PSD3: variants seen among roughly 807,000 people sequenced by gnomAD.
PSD3 encodes the protein pleckstrin and Sec7 domain containing 3.
In PSD3, 49 loss-of-function variants were observed where a neutral mutation model predicts 105.5. The observed-to-expected ratio is 0.46, with a 90% CI of 0.37 to 0.59. The LOEUF is 0.59. PSD3 is among the 20% of genes least tolerant of loss of function. The pLI is 0.00. For missense variants in PSD3, 1,561 were observed against 1,263.8 expected, an observed-to-expected ratio of 1.24 and a Z score of -3.57; for synonymous variants, 557 against 457.8, an observed-to-expected ratio of 1.22 and a Z score of -2.77.
At position 18,804,855 on chromosome 8, in the gene PSD3, T is replaced by A; in HGVS notation, c.1678A>T (p.Met560Leu). The part of the protein sequence containing the change: ...KTTRLEAHSE[M>L]GSTEILEKET... ...TTTTCCAAAATTTCAGTGCTCCCCA[T>A]TTCAGAATGAGCTTCTAGCCGTGTT... The change falls in exon 5 of 16, where the codon ATG (methionine) becomes TTG (leucine). Residue 560 changes from methionine to leucine, a missense_variant. By Grantham distance (15) the Met-to-Leu change is conservative (BLOSUM62 2). Transcript: ENST00000327040. The A allele has an allele frequency of 6.2e-7, 1 of 1,613,152 alleles. No individual in the cohort carries two copies. The highest frequency in any genetic ancestry group is 2.2e-5 in the East Asian group (1 of 44,888).
At chr8:18,783,458 C>A (rs1261208636) in intron 8 of PSD3, among the ~76,000 whole-genome samples, 1 of 152,076 alleles carries the variant, frequency 6.6e-6, no homozygotes, top group South Asian at 2.1e-4. Context: ...CTGTTTAATT[C>A]ATCTTTGCTC....
At chr8:18,966,844 T>G (rs1314817131) in intron 1 of PSD3, among the ~76,000 whole-genome samples, 1 of 152,162 alleles carries the variant, frequency 6.6e-6, no homozygotes, top group Non-Finnish European at 1.5e-5. Flanking sequence ...GGCATAAAAT[T>G]TTCAAATTAG....
At chr8:18,627,137 A>T (rs562172925) in intron 11 of PSD3, among the ~76,000 whole-genome samples, 1 of 152,222 alleles carries the variant, frequency 6.6e-6, no homozygotes, top group Admixed American at 6.6e-5. Context: ...TTCTGAAGAG[A>T]AAGAAACAAA....
intron 11 of PSD3, among the ~76,000 whole-genome samples, chr8:18,618,630 C>G (rs1805875301): frequency 2.1e-5 from 3 of 140,850 alleles, no homozygotes; most frequent in Non-Finnish European, 5.0e-5. Flanking sequence ...GTACTACACA[C>G]CATAACAGGT....
Position 18,858,645 on chromosome 8 carries a change from C to A in PSD3, c.1634+9029G>T, listed in dbSNP as rs116532010. Among the ~76,000 whole-genome samples the A allele has an allele frequency of 3.1e-3, 479 of 152,238 alleles. 4 individuals are homozygous for A. Among genetic ancestry groups the A allele is most frequent in the African/African-American group, 0.011 (470 of 41,552 alleles). ...AATATTCCAAATCCTTTGTAGTCAT[C>A]TCAATGAGGTTCACAGCATTTTCAT... On this transcript the variant is annotated intron_variant, in intron 4 of 15. Transcript: ENST00000327040.
At chr8:18,540,757 A>G (rs1341279530) in intron 15 of PSD3, among the ~76,000 whole-genome samples, 3 of 152,126 alleles carry the variant, frequency 2.0e-5, no homozygotes, top group Non-Finnish European at 2.9e-5. Context: ...AGAGTGTGTC[A>G]GCTCTGCCCA....
chr8:19,054,530 A>G (rs1413451848), intron 1 of PSD3, among the ~76,000 whole-genome samples: 1 of 152,182 alleles, frequency 6.6e-6, no homozygotes, highest in Non-Finnish European at 1.5e-5. Context: ...CATGGATTCA[A>G]CTTATTTACT....
intron 4 of PSD3, among the ~76,000 whole-genome samples, chr8:18,846,046 T>C (rs1267011995): frequency 6.6e-6 from 1 of 152,184 alleles, no homozygotes. Flanking sequence ...AGAGATGGGA[T>C]GTATATTAAA....
intron 1 of PSD3, among the ~76,000 whole-genome samples, chr8:19,065,153 T>C (rs1456449349): frequency 6.6e-6 from 1 of 152,206 alleles, no homozygotes; most frequent in African/African-American, 2.4e-5. Context: ...CTGCTTTTTG[T>C]TCCTTGTGTC....
chr8:18,843,299 T>G (rs557841990), intron 4 of PSD3, among the ~76,000 whole-genome samples: 9 of 148,152 alleles, frequency 6.1e-5, no homozygotes, highest in African/African-American at 2.2e-4. Flanking sequence ...AGGCGGAGCT[T>G]GCAGTGAGCC....
At chr8:18,887,881 T>C (rs1818539942) in intron 2 of PSD3, among the ~76,000 whole-genome samples, 1 of 152,128 alleles carries the variant, frequency 6.6e-6, no homozygotes, top group East Asian at 1.9e-4. Context: ...TACTAAGCAG[T>C]TTTATTGTAT....
intron 2 of PSD3, among the ~76,000 whole-genome samples, chr8:18,930,908 C>T (rs1821710575): frequency 6.6e-6 from 1 of 152,148 alleles, no homozygotes; most frequent in East Asian, 1.9e-4. Context: ...ACATTCCTGC[C>T]ACCAGTGTGT....
intron 1 of PSD3, among the ~76,000 whole-genome samples, 154 bp from the exon 2 acceptor site, chr8:18,936,296 A>G (rs780939588): frequency 3.3e-5 from 5 of 152,248 alleles, no homozygotes; most frequent in Non-Finnish European, 7.3e-5. Flanking sequence ...AAAGTGTAAC[A>G]TGAAAAGAAT....
At chr8:18,679,891 T>C (rs548474970) in intron 9 of PSD3, among the ~76,000 whole-genome samples, 1 of 152,304 alleles carries the variant, frequency 6.6e-6, no homozygotes, top group East Asian at 1.9e-4. Flanking sequence ...CATTATTAAC[T>C]AGAGAATTCT....
intron 4 of PSD3, among the ~76,000 whole-genome samples, chr8:18,818,030 T>C (rs1170522423): frequency 6.6e-6 from 1 of 152,212 alleles, no homozygotes; most frequent in African/African-American, 2.4e-5. Context: ...CTCGGCTCAC[T>C]GCAACCTCTG....
At chr8:18,644,920 A>G (rs1807921048) in intron 10 of PSD3, among the ~76,000 whole-genome samples, 2 of 152,208 alleles carry the variant, frequency 1.3e-5, no homozygotes, top group Non-Finnish European at 2.9e-5. Context: ...AGGGGCCTGC[A>G]TCTGATGAGG....
chr8:18,665,860 A>G (rs928433751), intron 9 of PSD3, among the ~76,000 whole-genome samples: 1 of 152,178 alleles, frequency 6.6e-6, no homozygotes, highest in African/African-American at 2.4e-5. Context: ...TAAAAAACAA[A>G]CAAACAAAAC....
chr8:18,776,174 G>A (rs1215743272), intron 8 of PSD3, among the ~76,000 whole-genome samples: 1 of 150,630 alleles, frequency 6.6e-6, no homozygotes, highest in Non-Finnish European at 1.5e-5. Context: ...GGATTTCTAG[G>A]TTTCTCTATT....
intron 2 of PSD3, among the ~76,000 whole-genome samples, chr8:18,904,782 C>T (rs1819734374): frequency 6.6e-6 from 1 of 152,164 alleles, no homozygotes; most frequent in Non-Finnish European, 1.5e-5. Context: ...CGCAACTTTG[C>T]CATTGCAACC....
Sources: gnomAD v4.1 joint callset for allele counts (sites outside exome capture counted in the v4.1 genomes callset) on GRCh38, gnomAD v4.1.1 for gene constraint, MANE v1.5 for transcripts, NCBI Gene and HGNC (gene_info 2026-07-23, HGNC 2026-07-21) for gene names.